KDM2B: variants seen among roughly 807,000 people sequenced by gnomAD.
The protein encoded by KDM2B is lysine demethylase 2B.
KDM2B carries 26 observed loss-of-function variants against 150.0 expected under a neutral mutation model. The observed-to-expected ratio is 0.17, with a 90% CI of 0.13 to 0.24. KDM2B has a LOEUF of 0.24. Among genes scored for constraint, KDM2B ranks in the 10% least tolerant of loss-of-function variants. KDM2B has a pLI of 1.00. For missense variants in KDM2B, 1,265 were observed against 1,816.9 expected, an observed-to-expected ratio of 0.70 and a Z score of 5.52; for synonymous variants, 734 against 729.5, an observed-to-expected ratio of 1.01 and a Z score of -0.10.
chr12:121,440,101 A>G (rs782080667), intron 21 of KDM2B, 26 bp from the exon 22 acceptor site: 2 of 1,558,924 alleles, frequency 1.3e-6, no homozygotes, highest in Non-Finnish European at 1.7e-6. Flanking sequence ...GGAGGGGGCA[A>G]CCCGTCAATC....
At chr12:121,428,252 G>A (rs539611369), downstream of KDM2B, among the ~76,000 whole-genome samples, 219 of 152,094 alleles carry the variant, frequency 1.4e-3, no homozygotes, top group Non-Finnish European at 2.4e-3. Context: ...GAGTATAATG[G>A]CGCAATCTCA....
At chr12:121,499,626 T>C (rs1884324716) in intron 11 of KDM2B, among the ~76,000 whole-genome samples, 3 of 151,914 alleles carry the variant, frequency 2.0e-5, no homozygotes, top group African/African-American at 7.3e-5. Context: ...CACTCCAACC[T>C]GGGCAAAAGT....
At chr12:121,416,160 C>T in the KDM2B span, 33 of 1,613,104 alleles carry the variant, frequency 2.0e-5, no homozygotes, top group Non-Finnish European at 2.6e-5. Context: ...CCTTTTTAGG[C>T]GGGTGCCACG....
chr12:121,493,523 C>T (rs1266819611), intron 12 of KDM2B, among the ~76,000 whole-genome samples: 1 of 152,118 alleles, frequency 6.6e-6, no homozygotes, highest in Non-Finnish European at 1.5e-5. Context: ...CACCTAGGAC[C>T]GCCTTTGGAA....
intron 4 of KDM2B, among the ~76,000 whole-genome samples, chr12:121,561,439 G>A: frequency 6.6e-6 from 1 of 152,212 alleles, no homozygotes; most frequent in East Asian, 1.9e-4. Flanking sequence ...CTGCTCTACT[G>A]TTTTGAAATA....
At chr12:121,504,064 A>G (rs1555302542) in intron 11 of KDM2B, among the ~76,000 whole-genome samples, 1 of 152,078 alleles carries the variant, frequency 6.6e-6, no homozygotes, top group Non-Finnish European at 1.5e-5. Context: ...CACTTCCATC[A>G]CAGTAAGTGT....
chr12:121,492,321 A>AT (rs1883452684), intron 12 of KDM2B, among the ~76,000 whole-genome samples: 1 of 152,046 alleles, frequency 6.6e-6, no homozygotes, highest in South Asian at 2.1e-4. Context: ...CAGTTGCCAG[A>AT]TTTAGCAAAT....
chr12:121,440,048 C>T lies in KDM2B; in HGVS notation c.3638G>A (p.Arg1213Gln), dbSNP rs782026094. The T allele has an allele frequency of 9.3e-6, 15 of 1,610,294 alleles. No homozygotes were observed. Among genetic ancestry groups the T allele is most frequent in the South Asian group, 2.2e-5 (2 of 90,558 alleles). ...PGQMDNRSKLRNIVELRLAGL... is the reference protein window; with the variant it reads ...PGQMDNRSKLQNIVELRLAGL... Reference sequence around the variant, plus strand: ...TGCCAGGCGCAGCTCCACGATGTTCCGGAGCTTGCTCCGATTGTCCATCTG... The same window carrying T: ...TGCCAGGCGCAGCTCCACGATGTTCTGGAGCTTGCTCCGATTGTCCATCTG... The change falls in exon 22 of 23, where the codon CGG becomes CAG. Residue 1213 changes from arginine (R) to glutamine (Q), a missense_variant. Coordinates refer to ENST00000377071, the MANE Select transcript of KDM2B (RefSeq NM_032590.5).
rs1295988866 is a variant in KDM2B at position 121,518,346 on chromosome 12, G to A, written c.1047+2639C>T. Reference sequence around the variant, plus strand: ...CCTTTTGTCTGCCTTGGCTCCTAAGGCATAAACAATTGGGCCTCGTAGCCA... The same window carrying A: ...CCTTTTGTCTGCCTTGGCTCCTAAGACATAAACAATTGGGCCTCGTAGCCA... On this transcript the variant is annotated intron_variant, in intron 9 of 22. Transcript: ENST00000377071. The surrounding 1 kb of genome is among the most constrained non-coding windows in gnomAD (Gnocchi z 4.4). 6.6e-6 allele frequency among the ~76,000 whole-genome samples: 1 copy of A among 152,110 alleles called. No homozygotes were observed. The highest frequency in any genetic ancestry group is 1.5e-5 in the Non-Finnish European group (1 of 68,026).
chr12:121,420,812 T>G, the KDM2B span: 1 of 1,540,002 alleles, frequency 6.5e-7, no homozygotes, highest in Non-Finnish European at 9.0e-7. Context: ...CCCTGTAGTA[T>G]TTTTCCTTAG....
At chr12:121,569,326 A>G (rs1890928601) in intron 4 of KDM2B, among the ~76,000 whole-genome samples, 1 of 152,204 alleles carries the variant, frequency 6.6e-6, no homozygotes, top group Non-Finnish European at 1.5e-5. Context: ...AGGTTTTGGG[A>G]AGGACCCTGA....
intron 10 of KDM2B, among the ~76,000 whole-genome samples, chr12:121,512,720 G>T (rs1031677374): frequency 1.3e-5 from 2 of 152,040 alleles, no homozygotes; most frequent in Admixed American, 6.5e-5. Flanking sequence ...GCCGTGTTCG[G>T]GGGGGATGAT....
intron 17 of KDM2B, 41 bp from the exon 18 acceptor site, chr12:121,443,071 C>T: frequency 2.5e-6 from 4 of 1,583,500 alleles, no homozygotes; most frequent in Non-Finnish European, 8.6e-7. Context: ...GCTCCCCGGG[C>T]TCGTGGGATT....
rs531887909 is a variant in KDM2B, at chr12:121,488,935, A to T, written c.1734+5644T>A. Among the ~76,000 whole-genome samples, 7 of 152,166 alleles carry T rather than the reference A, an allele frequency of 4.6e-5. No homozygotes were observed. The South Asian group carries it at 1.5e-3, about 32-fold the overall frequency. ...TTCTCCTTCCTGCCTGAGCCTCTCG[A>T]GTAGCTGGGATTACAGGCGTACACC... On this transcript the variant is annotated intron_variant, in intron 12 of 22. Transcript: ENST00000377071.
chr12:121,534,284 G>A (rs1212620579), intron 7 of KDM2B, among the ~76,000 whole-genome samples: 1 of 151,720 alleles, frequency 6.6e-6, no homozygotes, highest in Non-Finnish European at 1.5e-5. Flanking sequence ...AGGAGGCAGA[G>A]CTTGCAGTGA....
chr12:121,471,221 C>T (rs1555295885), intron 12 of KDM2B, among the ~76,000 whole-genome samples: 2 of 152,092 alleles, frequency 1.3e-5, no homozygotes, highest in African/African-American at 4.8e-5. Flanking sequence ...TTCTAGCGAC[C>T]CTAAAAACTG....
chr12:121,523,951 G>A (rs184701071), intron 8 of KDM2B, among the ~76,000 whole-genome samples: 42 of 152,222 alleles, frequency 2.8e-4, no homozygotes, highest in African/African-American at 9.9e-4. Context: ...CTCCACATCC[G>A]CTTCAGTCTC....
In KDM2B at chr12:121,443,727, T is replaced by G; in HGVS notation, c.2518A>C (p.Ser840Arg). 1 of 1,611,968 alleles carries G rather than the reference T, an allele frequency of 6.2e-7. No homozygotes were observed. The change falls in exon 17 of 23, where the codon AGC (serine) becomes CGC (arginine). Residue 840 changes from serine (S) to arginine (R), a missense_variant. Transcript: ENST00000377071. ...HLSPRPPLGS[S>R]LSPWWRSSLT... is the part of the protein sequence containing the mutation. The stretch of plus-strand genomic sequence containing the variant: ...CTGGATCTCCACCAGGGGCTGAGGC[T>G]GCTGCCTAGAGGGGGCCTCGGCGAG...
intron 12 of KDM2B, among the ~76,000 whole-genome samples, chr12:121,463,534 C>G (rs1879404306): frequency 6.6e-6 from 1 of 152,130 alleles, no homozygotes; most frequent in Admixed American, 6.6e-5. Flanking sequence ...ATTTTCTTCT[C>G]CATAATTTCC....
Sources: gnomAD v4.1 joint callset for allele counts (sites outside exome capture counted in the v4.1 genomes callset) on GRCh38, gnomAD v4.1.1 for gene constraint, Gnocchi (gnomAD v3.1) non-coding constraint, MANE v1.5 for transcripts, NCBI Gene and HGNC (gene_info 2026-07-23, HGNC 2026-07-21) for gene names.